The following CYLC2 variants were observed in gnomAD, a reference collection of about 807,000 sequenced individuals.
CYLC2 encodes cylicin-2.
In CYLC2, 30 loss-of-function variants were observed where a neutral mutation model predicts 26.1. That is an observed-to-expected ratio of 1.15 (90% CI 0.86 to 1.56). The LOEUF (loss-of-function observed/expected upper bound fraction) is 1.56, where lower values mean the gene tolerates loss of function less well. Ranked by LOEUF, CYLC2 falls within the 40% of genes most tolerant of loss-of-function variation. The pLI is 0.00. For synonymous variants in CYLC2, 158 were observed against 132.8 expected, an observed-to-expected ratio of 1.19 and a Z score of -1.31; for missense variants, 498 against 394.4, an observed-to-expected ratio of 1.26 and a Z score of -2.23.
rs1444955946 is a variant in CYLC2, at chr9:103,003,254, C to G, written c.171C>G (p.Asn57Lys). ...RRSKPSQIRD[N>K]TVSIIDEEQL... ...CAAAACCTTCTCAAATACGGGACAA[C>G]ACGGTTTCTGTAAGCATTGGAAAGA... is the stretch of plus-strand genomic sequence containing the variant. The change falls in exon 3 of 8, where the codon AAC becomes AAG. Residue 57 changes from asparagine (N) to lysine (K), a missense_variant. By Grantham distance (94) the Asn-to-Lys change is moderately conservative. Coordinates refer to ENST00000374798, the MANE Select transcript of CYLC2 (RefSeq NM_001340.5). 6.2e-7 allele frequency: 1 copy of G among 1,612,754 alleles called. No individual in the cohort carries two copies. The highest frequency in any genetic ancestry group is 1.3e-5 in the African/African-American group (1 of 74,874).
chr9:103,000,627 C>A (rs747537914), intron 1 of CYLC2, among the ~76,000 whole-genome samples: 1 of 151,994 alleles, frequency 6.6e-6, no homozygotes, highest in East Asian at 1.9e-4. Context: ...TTTTATAGCA[C>A]GAAAAAATGT....
intron 1 of CYLC2, among the ~76,000 whole-genome samples, chr9:102,996,885 G>T (rs1037504484): frequency 1.3e-5 from 2 of 151,862 alleles, no homozygotes; most frequent in East Asian, 3.9e-4. Context: ...CTCAAATTTA[G>T]GTTGTGTTAG....
chr9:103,017,374 A>C (rs1006965399), intron 7 of CYLC2, among the ~76,000 whole-genome samples: 1 of 152,050 alleles, frequency 6.6e-6, no homozygotes, highest in East Asian at 1.9e-4. Flanking sequence ...CAGAATGTTG[A>C]AAGTTTGAAA....
chr9:102,998,615 G>A (rs920798438), intron 1 of CYLC2, among the ~76,000 whole-genome samples: 1 of 151,868 alleles, frequency 6.6e-6, no homozygotes, highest in Non-Finnish European at 1.5e-5. Flanking sequence ...AGGGTATTTG[G>A]TTTATTGCTG....
At position 103,001,593 on chromosome 9, in the gene CYLC2, T is replaced by C. The variant is rs1483129043; in HGVS notation, c.33T>C (p.Phe11=). 2 of 1,560,214 alleles carry C rather than the reference T, an allele frequency of 1.3e-6. No individual in the cohort carries two copies. The highest frequency in any genetic ancestry group is 1.8e-6 in the Non-Finnish European group (2 of 1,136,010). ...GTTTTAATAGCCAAAGAGTAAACTT[T>C]GGGCCATATGATAATTACATTCCAG... MSLPRFQRVN[F]GPYDNYIPVS... is the part of the protein sequence containing the mutation. The change falls in exon 2 of 8, where the codon TTT becomes TTC. Residue 11 remains phenylalanine (F), a synonymous_variant. Transcript: ENST00000374798.
intron 6 of CYLC2, among the ~76,000 whole-genome samples, chr9:103,013,287 A>AAAT (rs1464472311): frequency 9.0e-6 from 1 of 111,168 alleles, no homozygotes; most frequent in East Asian, 2.6e-4. Context: ...ATAACACATT[A>AAAT]AATATATATT....
At chr9:103,013,473 A>G (rs1311407889) in intron 6 of CYLC2, among the ~76,000 whole-genome samples, 1 of 108,348 alleles carries the variant, frequency 9.2e-6, no homozygotes, top group African/African-American at 3.8e-5. Context: ...TATATTATAT[A>G]AATATATATT....
intron 5 of CYLC2, among the ~76,000 whole-genome samples, chr9:103,010,462 G>A (rs879547575): frequency 2.1e-4 from 32 of 152,068 alleles, no homozygotes; most frequent in Middle Eastern, 6.8e-3. Flanking sequence ...TTTAATTGAA[G>A]CACAGAAAGG....
At chr9:102,999,115 C>G (rs934671991) in intron 1 of CYLC2, among the ~76,000 whole-genome samples, 2 of 151,546 alleles carry the variant, frequency 1.3e-5, no homozygotes, top group Admixed American at 1.3e-4. Flanking sequence ...TGTTTTCTTC[C>G]TTTTCTTTAT....
At position 103,013,924 on chromosome 9, in the gene CYLC2, A is replaced by G. The variant is rs868323938; in HGVS notation, c.*816+1827A>G. On this transcript the variant is annotated intron_variant, in intron 6 of 7. Transcript: ENST00000374798. ...TATAATATTATATTATACATTATAT[A>G]TCATATCTATTATTTAATATAATAC... Among the ~76,000 whole-genome samples the G allele has an allele frequency of 3.7e-4, 43 of 115,350 alleles. 1 individual carries two copies. In the South Asian group the frequency reaches 0.012, roughly 33 times the overall value. 75.7% of individuals were successfully genotyped at this position (115,350 alleles called of 152,430 possible). A position where few individuals can be genotyped will look rare whatever the true frequency, so the allele number is the denominator to read the frequency against.
intron 5 of CYLC2, among the ~76,000 whole-genome samples, 195 bp from the exon 6 acceptor site, chr9:103,011,787 C>A (rs1444672939): frequency 6.6e-6 from 1 of 151,806 alleles, no homozygotes; most frequent in Non-Finnish European, 1.5e-5. Context: ...AGTGTTGTAG[C>A]TATTTGCATA....
intron 5 of CYLC2, among the ~76,000 whole-genome samples, chr9:103,010,319 A>G (rs1220890939): frequency 6.6e-6 from 1 of 152,114 alleles, no homozygotes; most frequent in Non-Finnish European, 1.5e-5. Flanking sequence ...TATCTCACAA[A>G]TGCTTAATCC....
At chr9:103,009,941 TAC>T (rs1169773421) in intron 5 of CYLC2, among the ~76,000 whole-genome samples, 3 of 149,924 alleles carry the variant, frequency 2.0e-5, no homozygotes, top group African/African-American at 5.1e-5. Flanking sequence ...ATATGTATTA[TAC>T]ACACATACAT....
intron 1 of CYLC2, 113 bp from the exon 2 acceptor site, chr9:103,001,465 A>G: frequency 1.5e-6 from 1 of 665,462 alleles, no homozygotes. Flanking sequence ...GATATCTGAG[A>G]TTGTGAAATA....
intron 6 of CYLC2, among the ~76,000 whole-genome samples, chr9:103,014,893 TATAC>T (rs1024873103): frequency 1.4e-5 from 2 of 138,428 alleles, no homozygotes; most frequent in African/African-American, 5.2e-5. Flanking sequence ...TATTATGTAA[TATAC>T]ATAATATATG....
intron 5 of CYLC2, among the ~76,000 whole-genome samples, chr9:103,007,091 T>C (rs1829359919): frequency 6.6e-6 from 1 of 152,130 alleles, no homozygotes; most frequent in South Asian, 2.1e-4. Flanking sequence ...AAGGTTCAAA[T>C]TGACACTGTT....
intron 6 of CYLC2, among the ~76,000 whole-genome samples, chr9:103,013,745 T>C (rs1489962627): frequency 4.5e-5 from 5 of 110,866 alleles, no homozygotes; most frequent in Non-Finnish European, 8.2e-5. Flanking sequence ...TAATTATATA[T>C]TATATTATAT....
chr9:103,014,938 T>C (rs1004583266), intron 6 of CYLC2, among the ~76,000 whole-genome samples: 8 of 133,554 alleles, frequency 6.0e-5, no homozygotes, highest in Non-Finnish European at 1.6e-5. Context: ...TTATGTAGTA[T>C]ACATAATACA....
chr9:103,015,345 T>G (rs1829488897), intron 6 of CYLC2, among the ~76,000 whole-genome samples: 2 of 129,560 alleles, frequency 1.5e-5, no homozygotes, highest in Non-Finnish European at 3.2e-5. Flanking sequence ...TTATGTTATA[T>G]ATATTATATA....
Sources: allele counts gnomAD v4.1 joint callset (sites outside exome capture counted in the v4.1 genomes callset), GRCh38; gene constraint gnomAD v4.1.1; transcripts MANE v1.5; gene names NCBI Gene and HGNC (gene_info 2026-07-23, HGNC 2026-07-21).